Variants in CERS6 observed in about 807,000 individuals in gnomAD.
CERS6 encodes the protein ceramide synthase 6.
A neutral mutation model predicts 56.8 loss-of-function variants in CERS6; 26 were observed. The observed-to-expected ratio is 0.46, with a 90% confidence interval of 0.34 to 0.63. CERS6 has a LOEUF of 0.63. Among genes scored for constraint, CERS6 ranks in the 30% least tolerant of loss-of-function variants. CERS6 has a pLI of 0.01. For synonymous variants in CERS6, 164 were observed against 173.3 expected, an observed-to-expected ratio of 0.95 and a Z score of 0.42; for missense variants, 415 against 467.5, an observed-to-expected ratio of 0.89 and a Z score of 1.04.
chr2:168,659,219 A>G (rs1166768927), intron 4 of CERS6, among the ~76,000 whole-genome samples: 2 of 152,186 alleles, frequency 1.3e-5, no homozygotes, highest in Admixed American at 6.5e-5. Context: ...GTTTGTCACT[A>G]CCTTCACTTT....
Position 168,630,696 on chromosome 2 carries a change from CAAG to C in CERS6, c.408-282_408-280del, listed in dbSNP as rs369916481. On this transcript the variant is annotated intron_variant, in intron 3 of 9. Coordinates refer to ENST00000305747, the MANE Select transcript of CERS6 (RefSeq NM_203463.3). ...ATCATATCCCTTCATGAGTGATAAA[CAAG>C]AAGAAGTTCACATGTTGGAGAATGA... is the stretch of plus-strand genomic sequence containing the variant. 2.7e-3 allele frequency among the ~76,000 whole-genome samples: 417 copies of C among 152,138 alleles called. 1 individual carries two copies. Among genetic ancestry groups the C allele is most frequent in the African/African-American group, 9.4e-3 (390 of 41,538 alleles).
Position 168,620,014 on chromosome 2 carries a change from TACACACACACACACAC to T in CERS6, c.408-10937_408-10922del, listed in dbSNP as rs1160024194. ...GCATTTGGGCTGGTTCCACAATCCA[TACACACACACACACAC>T]ACACACACACACACACACACACACA... On this transcript the variant is annotated intron_variant, in intron 3 of 9. Coordinates refer to ENST00000305747, the MANE Select transcript of CERS6 (RefSeq NM_203463.3). 5.7e-4 allele frequency among the ~76,000 whole-genome samples: 35 copies of T among 61,262 alleles called. 1 individual carries two copies. The highest frequency in any genetic ancestry group is 1.5e-3 in the African/African-American group (34 of 23,086). 40.2% of individuals were successfully genotyped at this position (61,262 alleles called of 152,430 possible).
chr2:168,769,808 T>C lies in CERS6; in HGVS notation c.*146T>C, dbSNP rs775718724. On this transcript the variant is annotated 3_prime_UTR_variant, in exon 10 of 10. Transcript: ENST00000305747. ...AAGCATTTTGAATAGTGCACTGCCA[T>C]GTGTCCTGTCTGTGAATGAAGAAGA... 14 of 726,088 alleles carry C rather than the reference T, an allele frequency of 1.9e-5. No individual in the cohort carries two copies. Among genetic ancestry groups the C allele is most frequent in the Non-Finnish European group, 3.0e-5 (13 of 440,054 alleles). The allele number at this position is 726,088 out of a possible 1,614,324, so 45.0% of individuals were successfully genotyped here.
chr2:168,538,827 T>C (rs898515245), intron 1 of CERS6, among the ~76,000 whole-genome samples: 1 of 152,120 alleles, frequency 6.6e-6, no homozygotes, highest in African/African-American at 2.4e-5. Context: ...GTGGCCTTTC[T>C]TCTTTGTCTG....
intron 3 of CERS6, among the ~76,000 whole-genome samples, chr2:168,620,092 T>G (rs903854623): frequency 1.5e-5 from 2 of 136,552 alleles, no homozygotes; most frequent in Non-Finnish European, 3.2e-5. Context: ...CTAATACTAC[T>G]CAGCCATAAA....
At chr2:168,651,797 C>G (rs1292388106) in intron 4 of CERS6, among the ~76,000 whole-genome samples, 1 of 152,140 alleles carries the variant, frequency 6.6e-6, no homozygotes, top group African/African-American at 2.4e-5. Context: ...CAGAGCCAAA[C>G]CATATCAGTA....
chr2:168,583,981 G>A (rs1040461051), intron 3 of CERS6, among the ~76,000 whole-genome samples: 5 of 152,170 alleles, frequency 3.3e-5, no homozygotes, highest in African/African-American at 9.7e-5. Context: ...TACCAAGATC[G>A]CTTCCTTAGT....
chr2:168,554,540 C>T (rs1260605264), intron 2 of CERS6, among the ~76,000 whole-genome samples: 5 of 152,126 alleles, frequency 3.3e-5, no homozygotes, highest in Admixed American at 3.3e-4. Context: ...GAAAAGACAG[C>T]CATCTGCAAG....
intron 2 of CERS6, among the ~76,000 whole-genome samples, chr2:168,548,142 G>A (rs2105372771): frequency 6.6e-6 from 1 of 152,284 alleles, no homozygotes. Context: ...GTAGACAAAT[G>A]TAAACAAAAA....
chr2:168,631,586 A>T (rs1287761005), intron 4 of CERS6, among the ~76,000 whole-genome samples: 2 of 119,036 alleles, frequency 1.7e-5, no homozygotes, highest in East Asian at 2.1e-4. Flanking sequence ...TATATATTTA[A>T]TATTTATATA....
At chr2:168,464,470 T>C (rs991167102) in intron 1 of CERS6, among the ~76,000 whole-genome samples, 3 of 152,130 alleles carry the variant, frequency 2.0e-5, no homozygotes, top group African/African-American at 7.2e-5. Flanking sequence ...CTTATACTCT[T>C]TTATTTATTT....
chr2:168,629,578 A>G (rs928654621), intron 3 of CERS6, among the ~76,000 whole-genome samples: 16 of 152,216 alleles, frequency 1.1e-4, no homozygotes, highest in Non-Finnish European at 5.9e-5. Context: ...GCAGAATCCA[A>G]TGCAAAATAA....
intron 3 of CERS6, among the ~76,000 whole-genome samples, chr2:168,620,006 A>T (rs1684422593): frequency 9.2e-6 from 1 of 109,254 alleles, no homozygotes; most frequent in African/African-American, 3.4e-5. Context: ...GGCTGGTTCC[A>T]CAATCCATAC....
intron 3 of CERS6, among the ~76,000 whole-genome samples, chr2:168,621,324 G>A (rs567049659): frequency 6.6e-6 from 1 of 152,290 alleles, no homozygotes; most frequent in South Asian, 2.1e-4. Context: ...GGCCACAATA[G>A]ATCAATATTT....
chr2:168,704,445 C>G (rs868128671), intron 6 of CERS6, among the ~76,000 whole-genome samples: 59 of 152,024 alleles, frequency 3.9e-4, no homozygotes, highest in Admixed American at 5.9e-4. Flanking sequence ...TGGGAAAACA[C>G]CCACTTTGGC....
chr2:168,735,530 C>T (rs76268884), intron 8 of CERS6, among the ~76,000 whole-genome samples: 2,747 of 152,012 alleles, frequency 0.018, 45 homozygotes, highest in Non-Finnish European at 0.029. Flanking sequence ...AAACAGTTTC[C>T]GAGTACAGAG....
At chr2:168,458,354 A>G (rs1383933269) in intron 1 of CERS6, among the ~76,000 whole-genome samples, 1 of 152,210 alleles carries the variant, frequency 6.6e-6, no homozygotes, top group Non-Finnish European at 1.5e-5. Flanking sequence ...CTCCTTCTCT[A>G]TGCTGATTCC....
intron 1 of CERS6, among the ~76,000 whole-genome samples, chr2:168,532,227 C>T (rs905095785): frequency 1.3e-5 from 2 of 152,066 alleles, no homozygotes; most frequent in African/African-American, 4.8e-5. Context: ...TCCAGTTGCT[C>T]CCAAGGTGCC....
At chr2:168,459,341 T>G (rs1483419862) in intron 1 of CERS6, among the ~76,000 whole-genome samples, 1 of 152,276 alleles carries the variant, frequency 6.6e-6, no homozygotes, top group Non-Finnish European at 1.5e-5. Context: ...GAAATGGGCT[T>G]TGCCCAGTTA....
Sources: gnomAD v4.1 joint callset for allele counts (sites outside exome capture counted in the v4.1 genomes callset) on GRCh38, gnomAD v4.1.1 for gene constraint, MANE v1.5 for transcripts, NCBI Gene and HGNC (gene_info 2026-07-23, HGNC 2026-07-21) for gene names.